The following RBFOX1 variants were observed in gnomAD, a reference collection of about 807,000 sequenced individuals.
RBFOX1 encodes the protein RNA binding protein fox-1 homolog 1.
RBFOX1 carries 8 observed loss-of-function variants against 57.7 expected under a neutral mutation model. The observed-to-expected ratio is 0.14, with a 90% CI of 0.08 to 0.25. The LOEUF is 0.25. Among genes scored for constraint, RBFOX1 ranks in the 10% least tolerant of loss-of-function variants. RBFOX1 has a pLI of 1.00. For missense variants in RBFOX1, 611 were observed against 548.5 expected (o/e 1.11, Z -1.14); for synonymous variants, 326 against 222.4 (o/e 1.47, Z -4.15).
chr16:7,688,258 T>TGAGAGAGA (rs1468088533), intron 14 of RBFOX1, among the ~76,000 whole-genome samples: 17 of 128,326 alleles, frequency 1.3e-4, no homozygotes, highest in African/African-American at 5.1e-4. Context: ...TGTGTGTGTG[T>TGAGAGAGA]GTGAGAGAGA....
intron 1 of RBFOX1, among the ~76,000 whole-genome samples, chr16:5,331,136 C>T (rs145781333): frequency 9.4e-4 from 143 of 152,126 alleles, no homozygotes; most frequent in Non-Finnish European, 1.5e-3. Context: ...ATTTTTGGTC[C>T]GCTGTATAAC....
chr16:6,440,362 T>C (rs1459957791), intron 2 of RBFOX1, among the ~76,000 whole-genome samples: 2 of 152,162 alleles, frequency 1.3e-5, no homozygotes, highest in African/African-American at 4.8e-5. Flanking sequence ...GTAGTACTCA[T>C]CTATGTCTGC....
chr16:6,085,702 G>A (rs576283292), intron 1 of RBFOX1, among the ~76,000 whole-genome samples: 4 of 152,210 alleles, frequency 2.6e-5, no homozygotes, highest in South Asian at 4.1e-4. Flanking sequence ...GCACATGCAC[G>A]TAAGGGGATG....
intron 1 of RBFOX1, among the ~76,000 whole-genome samples, chr16:5,401,656 C>A (rs1417757110): frequency 6.6e-6 from 1 of 152,160 alleles, no homozygotes; most frequent in Non-Finnish European, 1.5e-5. Flanking sequence ...GACATTTTTA[C>A]ATATTTAATC....
intron 3 of RBFOX1, among the ~76,000 whole-genome samples, chr16:7,038,782 G>T (rs1597709059): frequency 6.6e-6 from 1 of 152,164 alleles, no homozygotes; most frequent in East Asian, 1.9e-4. Context: ...TAATCTGTCT[G>T]GACCTGGGGG....
Position 6,989,740 on chromosome 16 carries a change from C to T in RBFOX1, c.-15-62317C>T, listed in dbSNP as rs186702976. Among the ~76,000 whole-genome samples, 530 of 152,244 alleles carry T rather than the reference C, an allele frequency of 3.5e-3. 8 individuals are homozygous for T. The highest frequency in any genetic ancestry group is 2.4e-3 in the Non-Finnish European group (160 of 68,018). On this transcript the variant is annotated intron_variant, in intron 3 of 15. Coordinates refer to ENST00000550418, the MANE Select transcript of RBFOX1 (RefSeq NM_018723.4). ...AGGGGTCAGGTGCTGTGGCTCACAC[C>T]TGTAATTCCAGCACTTTGGGAGGCT...
At chr16:6,627,558 C>G (rs2098327197) in intron 2 of RBFOX1, among the ~76,000 whole-genome samples, 3 of 152,074 alleles carry the variant, frequency 2.0e-5, no homozygotes, top group Non-Finnish European at 4.4e-5. Flanking sequence ...AAGGAGGAAG[C>G]AGGAAGGATG....
chr16:5,581,414 G>A (rs980991792), intron 2 of RBFOX1, among the ~76,000 whole-genome samples: 1 of 152,222 alleles, frequency 6.6e-6, no homozygotes, highest in African/African-American at 2.4e-5. Flanking sequence ...CTTGGTTCCT[G>A]GAGGGAGAAT....
chr16:7,010,545 TTTG>T (rs985754589), intron 3 of RBFOX1, among the ~76,000 whole-genome samples: 187 of 151,698 alleles, frequency 1.2e-3, no homozygotes, highest in Middle Eastern at 3.4e-3. Context: ...CCCTTTTTTT[TTTG>T]TTTGTTTGTT....
At position 7,599,638 on chromosome 16, in the gene RBFOX1, C is replaced by CTTTTTTTTTTT. The variant is rs542898195; in HGVS notation, c.622+2209_622+2219dup. 4.6e-4 allele frequency among the ~76,000 whole-genome samples: 29 copies of CTTTTTTTTTTT among 62,800 alleles called. 8 individuals carry two copies. Among genetic ancestry groups the CTTTTTTTTTTT allele is most frequent in the African/African-American group, 9.8e-4 (20 of 20,312 alleles). The allele number at this position is 62,800 out of a possible 152,430, so 41.2% of individuals were successfully genotyped here. ...GAGAAGATGAAGAAATTAATAAAGA[C>CTTTTTTTTTTT]TTTTTTTTTTTTCTTTTTTTTTTTT... On this transcript the variant is annotated intron_variant, in intron 9 of 15. Coordinates refer to ENST00000550418, the MANE Select transcript of RBFOX1 (RefSeq NM_018723.4).
At chr16:5,592,417 T>A (rs1206567001) in intron 2 of RBFOX1, among the ~76,000 whole-genome samples, 1 of 151,528 alleles carries the variant, frequency 6.6e-6, no homozygotes, top group Admixed American at 6.6e-5. Context: ...ATTATAAAAA[T>A]CTTTTTTTTT....
At chr16:6,458,783 G>A (rs62016762) in intron 2 of RBFOX1, among the ~76,000 whole-genome samples, 41,708 of 152,188 alleles carry the variant, frequency 0.27, 6,730 homozygotes, top group Non-Finnish European at 0.36. Context: ...AGAGTTGCAT[G>A]TAAAATGCAT....
intron 1 of RBFOX1, among the ~76,000 whole-genome samples, chr16:6,086,885 C>G (rs986349478): frequency 2.0e-5 from 3 of 152,166 alleles, no homozygotes; most frequent in Non-Finnish European, 4.4e-5. Flanking sequence ...GGTTTAGGGT[C>G]TTTCCTTGTT....
rs1314109014 is a variant in RBFOX1, at chr16:6,743,856, TTATTTGTA to T, written c.-16+89207_-16+89214del. Among the ~76,000 whole-genome samples the T allele has an allele frequency of 4.4e-3, 538 of 121,880 alleles. 13 individuals carry two copies. Among genetic ancestry groups the T allele is most frequent in the African/African-American group, 0.017 (529 of 30,860 alleles). The allele number at this position is 121,880 out of a possible 152,430, so 80.0% of individuals were successfully genotyped here. A position where few individuals can be genotyped will look rare whatever the true frequency, so the allele number is the denominator to read the frequency against. On this transcript the variant is annotated intron_variant, in intron 3 of 15. Transcript: ENST00000550418. ...AAAAATCATGTTCATTTATTTCTGA[TTATTTGTA>T]ACACATTTTCCTATACATTAATTAA...
rs74552641 is a variant in RBFOX1 at position 6,282,896 on chromosome 16, C to T, written c.-126-34099C>T. On this transcript the variant is annotated intron_variant, in intron 1 of 15. Coordinates refer to ENST00000550418, the MANE Select transcript of RBFOX1 (RefSeq NM_018723.4). ...TCATTAAGTACTTTGCATCTATTGT[C>T]TCATTTCATTGATCCTTACAACCTA... is the stretch of plus-strand genomic sequence containing the variant. Among the ~76,000 whole-genome samples the T allele has an allele frequency of 3.1e-3, 469 of 152,290 alleles. 5 individuals carry two copies. The highest frequency in any genetic ancestry group is 0.011 in the African/African-American group (447 of 41,556).
intron 10 of RBFOX1, among the ~76,000 whole-genome samples, chr16:7,619,932 A>G (rs1179108429): frequency 1.3e-5 from 2 of 152,228 alleles, no homozygotes; most frequent in Non-Finnish European, 2.9e-5. Flanking sequence ...ATCCTAGCCC[A>G]GACACCTATG....
At chr16:5,653,377 C>G in intron 3 of RBFOX1, among the ~76,000 whole-genome samples, 1 of 80,398 alleles carries the variant, frequency 1.2e-5, no homozygotes, top group Admixed American at 1.3e-4. Flanking sequence ...TGTGCTGGGC[C>G]TATATGCGGA....
At chr16:6,159,845 A>G (rs1168739480) in intron 1 of RBFOX1, among the ~76,000 whole-genome samples, 1 of 152,060 alleles carries the variant, frequency 6.6e-6, no homozygotes, top group East Asian at 1.9e-4. Flanking sequence ...TGCTTTTCCA[A>G]AGTGCCAAGA....
At chr16:7,373,258 A>C (rs1480026265) in intron 4 of RBFOX1, among the ~76,000 whole-genome samples, 1 of 152,106 alleles carries the variant, frequency 6.6e-6, no homozygotes, top group Non-Finnish European at 1.5e-5. Flanking sequence ...TTAATTCTAA[A>C]ACAACAATTA....
Sources: allele counts gnomAD v4.1 joint callset (sites outside exome capture counted in the v4.1 genomes callset), GRCh38; gene constraint gnomAD v4.1.1; transcripts MANE v1.5; gene names NCBI Gene and HGNC (gene_info 2026-07-23, HGNC 2026-07-21).